EP300: variants seen among roughly 807,000 people sequenced by gnomAD.
EP300 encodes the protein histone acetyltransferase p300.
A neutral mutation model predicts 264.0 loss-of-function variants in EP300; 31 were observed. The ratio of observed to expected loss-of-function variants is 0.12; its 90% CI spans 0.09 to 0.16. The LOEUF (loss-of-function observed/expected upper bound fraction) is 0.16. Ranked by LOEUF, EP300 falls within the 10% of genes least tolerant of loss-of-function variation. The pLI is 1.00. For missense variants in EP300, 2,766 were observed against 3,052.9 expected (o/e 0.91, Z 2.21); for synonymous variants, 1,340 against 1,045.4 (o/e 1.28, Z -5.44).
At chr22:41,124,305 C>G (rs1431388349) in intron 2 of EP300, among the ~76,000 whole-genome samples, 1 of 152,056 alleles carries the variant, frequency 6.6e-6, no homozygotes, top group African/African-American at 2.4e-5. Flanking sequence ...AAGCAGGTGA[C>G]TTAGCAGGTG....
intron 29 of EP300, among the ~76,000 whole-genome samples, chr22:41,175,272 G>C (rs200490100): frequency 6.6e-6 from 1 of 151,868 alleles, no homozygotes; most frequent in Non-Finnish European, 1.5e-5. Flanking sequence ...GCTGGCCAGA[G>C]ACTGTGAGTG....
chr22:41,128,943 A>G (rs1601605493), intron 4 of EP300, among the ~76,000 whole-genome samples: 2 of 152,206 alleles, frequency 1.3e-5, no homozygotes, highest in African/African-American at 4.8e-5. Context: ...TTACGAATAA[A>G]GCTGCCATAA....
chr22:41,150,808 TTGAAC>T (rs1292858291), intron 14 of EP300, among the ~76,000 whole-genome samples: 1 of 151,734 alleles, frequency 6.6e-6, no homozygotes, highest in Non-Finnish European at 1.5e-5. Flanking sequence ...GGAGAATGGC[TTGAAC>T]CTGGGAGGTG....
intron 12 of EP300, 157 bp from the exon 13 acceptor site, chr22:41,148,880 CT>C: frequency 1.1e-6 from 1 of 894,286 alleles, no homozygotes; most frequent in South Asian, 1.6e-5. Flanking sequence ...TGTTCTACAA[CT>C]TTCTTCCTTC....
intron 16 of EP300, among the ~76,000 whole-genome samples, 169 bp downstream of exon 16, chr22:41,152,519 T>C (rs539496424): frequency 4.5e-4 from 68 of 151,908 alleles, no homozygotes; most frequent in African/African-American, 1.6e-3. Context: ...TTCTTTCTTT[T>C]TTTTTTTTTT....
At chr22:41,167,173 A>G (rs1052302904) in intron 23 of EP300, among the ~76,000 whole-genome samples, 4 of 151,972 alleles carry the variant, frequency 2.6e-5, no homozygotes, top group African/African-American at 4.8e-5. Flanking sequence ...AATTTTTGTA[A>G]TTTATTAGAG....
At chr22:41,155,591 A>T (rs554845467) in intron 17 of EP300, among the ~76,000 whole-genome samples, 2 of 152,178 alleles carry the variant, frequency 1.3e-5, no homozygotes, top group East Asian at 3.9e-4. Context: ...CATTTTCATC[A>T]TCTGAAAAAA....
intron 8 of EP300, among the ~76,000 whole-genome samples, chr22:41,138,585 C>T (rs922955539): frequency 1.3e-5 from 2 of 152,168 alleles, no homozygotes; most frequent in East Asian, 1.9e-4. Flanking sequence ...TCTCCCCTTA[C>T]GAACTCCATC....
At chr22:41,145,352 CCT>C (rs915529403) in intron 10 of EP300, among the ~76,000 whole-genome samples, 2 of 152,184 alleles carry the variant, frequency 1.3e-5, no homozygotes, top group Admixed American at 6.6e-5. Context: ...TTGAGCATTT[CCT>C]CTCTCAGTTT....
Position 41,178,778 on chromosome 22 carries a change from C to G in EP300, c.7067C>G (p.Ala2356Gly), listed in dbSNP as rs2145523733. 1.9e-6 allele frequency: 3 copies of G among 1,614,144 alleles called. No individual in the cohort carries two copies. The East Asian group carries it at 6.7e-5, about 36-fold the overall frequency. The change falls in exon 31 of 31, where the codon GCC becomes GGC. Residue 2356 changes from alanine (A) to glycine (G), a missense_variant. Coordinates refer to ENST00000263253, the MANE Select transcript of EP300 (RefSeq NM_001429.4). ...SPHPGLVAAQ[A>G]NPMEQGHFAS... ...CATCCTGGACTGGTAGCTGCCCAGGCCAACCCCATGGAACAAGGGCATTTT... is the reference window on the plus strand; with the variant it reads ...CATCCTGGACTGGTAGCTGCCCAGGGCAACCCCATGGAACAAGGGCATTTT...
chr22:41,165,454 G>T (rs916528392), intron 22 of EP300, among the ~76,000 whole-genome samples: 1 of 151,750 alleles, frequency 6.6e-6, no homozygotes, highest in Non-Finnish European at 1.5e-5. Context: ...ACAGAGTTTC[G>T]CTCTTGTTGC....
intron 27 of EP300, among the ~76,000 whole-genome samples, chr22:41,171,269 G>A (rs188004525): frequency 6.1e-4 from 93 of 151,288 alleles, no homozygotes; most frequent in African/African-American, 2.2e-3. Context: ...CACTGTGCCC[G>A]GCCTTAAAAT....
chr22:41,155,925 G>A (rs2059074147), intron 17 of EP300, among the ~76,000 whole-genome samples: 1 of 152,070 alleles, frequency 6.6e-6, no homozygotes, highest in African/African-American at 2.4e-5. Context: ...AACATTGTGT[G>A]GATTTAAGTT....
At chr22:41,141,273 G>C (rs2145726680) in intron 10 of EP300, 51 bp downstream of exon 10, 2 of 1,567,744 alleles carry the variant, frequency 1.3e-6, no homozygotes, top group Non-Finnish European at 1.8e-6. Flanking sequence ...TAATAAAATA[G>C]TTTCTATCTA....
chr22:41,170,824 G>C (rs1028460956), intron 27 of EP300, among the ~76,000 whole-genome samples: 1 of 151,608 alleles, frequency 6.6e-6, no homozygotes, highest in Non-Finnish European at 1.5e-5. Context: ...ATCACACCCG[G>C]CTAAATTTTT....
chr22:41,124,193 C>T (rs1601602571), intron 2 of EP300, among the ~76,000 whole-genome samples: 2 of 152,322 alleles, frequency 1.3e-5, no homozygotes, highest in East Asian at 1.9e-4. Context: ...TGCAGTGAGC[C>T]GAAATTGCAC....
In EP300 at chr22:41,176,952, G is replaced by A. The variant is rs2145515243; in HGVS notation, c.5241G>A (p.Gln1747=). Residue 1747 remains glutamine (Q), a synonymous_variant, in exon 31 of 31, where the codon CAG becomes CAA. Coordinates refer to ENST00000263253, the MANE Select transcript of EP300 (RefSeq NM_001429.4). The stretch of plus-strand genomic sequence containing the variant: ...TCCAGTCTCTGGTCCATGCTTGCCA[G>A]TGTCGGAATGCCAATTGCTCACTGC... The part of the protein sequence containing the change: ...RCIQSLVHAC[Q]CRNANCSLPS... The A allele has an allele frequency of 6.2e-7, 1 of 1,614,190 alleles. No homozygotes were observed. Among genetic ancestry groups the A allele is most frequent in the South Asian group, 1.1e-5 (1 of 91,082 alleles).
chr22:41,137,584 C>G, intron 7 of EP300, 69 bp from the exon 8 acceptor site: 1 of 1,591,938 alleles, frequency 6.3e-7, no homozygotes. Context: ...TAATCAGTGT[C>G]AGCTTGAATT....
intron 14 of EP300, among the ~76,000 whole-genome samples, chr22:41,150,693 A>G (rs1262596380): frequency 6.6e-6 from 1 of 152,052 alleles, no homozygotes; most frequent in Admixed American, 6.6e-5. Flanking sequence ...GTTCAAGACC[A>G]GCCTGGCCAA....
Sources: allele counts gnomAD v4.1 joint callset (sites outside exome capture counted in the v4.1 genomes callset), GRCh38; gene constraint gnomAD v4.1.1; transcripts MANE v1.5; gene names NCBI Gene and HGNC (gene_info 2026-07-23, HGNC 2026-07-21).